The following ZNF609 variants were observed in gnomAD, a reference collection of about 807,000 sequenced individuals.
ZNF609 encodes zinc finger protein 609.
Under a neutral mutation model 109.5 loss-of-function variants are expected in ZNF609, and 11 were observed. The ratio of observed to expected loss-of-function variants is 0.10; its 90% CI spans 0.06 to 0.17. The LOEUF (loss-of-function observed/expected upper bound fraction) is 0.17. Among genes scored for constraint, ZNF609 ranks in the 10% least tolerant of loss-of-function variants. ZNF609 has a pLI of 1.00. For missense variants in ZNF609, 1,559 were observed against 1,772.4 expected (o/e 0.88, Z 2.16); for synonymous variants, 646 against 662.0 (o/e 0.98, Z 0.37).
chr15:64,495,822 CTTTT>C (rs749513249), intron 1 of ZNF609, among the ~76,000 whole-genome samples: 2 of 123,078 alleles, frequency 1.6e-5, no homozygotes, highest in Admixed American at 7.9e-5. Context: ...AACCTGTTAT[CTTTT>C]TTTTTTTTTT....
chr15:64,592,891 C>T lies in ZNF609; in HGVS notation c.748-29936C>T. The T allele has an allele frequency of 5.9e-6, 4 of 676,390 alleles. No homozygotes were observed. The South Asian group carries it at 7.4e-5, about 12-fold the overall frequency. The allele number at this position is 676,390 out of a possible 1,614,324, so 41.9% of individuals were successfully genotyped here. A position where few individuals can be genotyped will look rare whatever the true frequency, so the allele number is the denominator to read the frequency against. On this transcript the variant is annotated intron_variant, in intron 2 of 9. Transcript: ENST00000326648. ...TCGCGCCACTGCACCCCAGCCTGGG[C>T]AACAGAGCAAGACTCTTGTCTCAAA...
intron 3 of ZNF609, among the ~76,000 whole-genome samples, chr15:64,661,478 G>T (rs1361392430): frequency 6.6e-6 from 1 of 152,032 alleles, no homozygotes; most frequent in African/African-American, 2.4e-5. Context: ...GGTTAGTTAG[G>T]GTGTATTTGT....
chr15:64,579,002 A>G (rs1016445789), intron 2 of ZNF609, among the ~76,000 whole-genome samples: 2 of 152,186 alleles, frequency 1.3e-5, no homozygotes, highest in Non-Finnish European at 2.9e-5. Context: ...AACTTGTCTC[A>G]GAAAAAACAA....
intron 3 of ZNF609, among the ~76,000 whole-genome samples, chr15:64,641,058 T>G (rs923272873): frequency 5.9e-5 from 9 of 152,122 alleles, no homozygotes; most frequent in African/African-American, 2.2e-4. Flanking sequence ...CCTATAGTTT[T>G]AGCAGTACCA....
chr15:64,513,490 C>T (rs1351732882), intron 2 of ZNF609, among the ~76,000 whole-genome samples: 1 of 152,134 alleles, frequency 6.6e-6, no homozygotes, highest in Non-Finnish European at 1.5e-5. Context: ...TGTCCTTTCC[C>T]ATCTCTTAAA....
rs767955434 is a variant in ZNF609 at position 64,674,889 on chromosome 15, G to A, written c.2035G>A (p.Ala679Thr). Reference protein sequence around the residue: ...YTFQTATFTAASPGSSSGLTA... With the variant: ...YTFQTATFTATSPGSSSGLTA... ...CTTCCAGACAGCCACCTTCACAGCA[G>A]CGAGCCCAGGCTCTTCCTCAGGCTT... The change falls in exon 5 of 10, where the codon GCG (alanine) becomes ACG (threonine). Residue 679 changes from alanine (A) to threonine (T), a missense_variant. Ala to Thr is a moderately conservative substitution (Grantham distance 58, BLOSUM62 0). Transcript: ENST00000326648. The A allele has an allele frequency of 3.7e-6, 6 of 1,614,074 alleles. No homozygotes were observed. Among genetic ancestry groups the A allele is most frequent in the Non-Finnish European group, 4.2e-6 (5 of 1,180,018 alleles).
At chr15:64,641,058 T>C (rs923272873) in intron 3 of ZNF609, among the ~76,000 whole-genome samples, 1 of 152,122 alleles carries the variant, frequency 6.6e-6, no homozygotes, top group African/African-American at 2.4e-5. Flanking sequence ...CCTATAGTTT[T>C]AGCAGTACCA....
intron 2 of ZNF609, among the ~76,000 whole-genome samples, chr15:64,530,016 C>T (rs988986298): frequency 2.0e-5 from 3 of 151,962 alleles, no homozygotes; most frequent in African/African-American, 7.3e-5. Context: ...AAGGCGTGAG[C>T]CACTGCACCT....
At chr15:64,529,689 G>C (rs1595708816) in intron 2 of ZNF609, 1 of 705,780 alleles carries the variant, frequency 1.4e-6, no homozygotes. Context: ...CAGGGATGCA[G>C]CTGCCAATGC....
At chr15:64,573,598 C>T (rs1376369532) in intron 2 of ZNF609, among the ~76,000 whole-genome samples, 1 of 151,518 alleles carries the variant, frequency 6.6e-6, no homozygotes, top group Non-Finnish European at 1.5e-5. Flanking sequence ...CTCCTGACCT[C>T]GTGATCCGCC....
At chr15:64,646,762 A>G (rs1211671384) in intron 3 of ZNF609, among the ~76,000 whole-genome samples, 1 of 151,506 alleles carries the variant, frequency 6.6e-6, no homozygotes, top group East Asian at 1.9e-4. Context: ...AACATGGTGA[A>G]ACCCCATCTC....
At chr15:64,545,329 G>A (rs570959541) in intron 2 of ZNF609, among the ~76,000 whole-genome samples, 31 of 152,096 alleles carry the variant, frequency 2.0e-4, no homozygotes, top group Admixed American at 4.6e-4. Context: ...CTCCCGAGTA[G>A]CTGGAACTAT....
chr15:64,588,386 C>T (rs1895234072), intron 2 of ZNF609, among the ~76,000 whole-genome samples: 1 of 124,008 alleles, frequency 8.1e-6, no homozygotes, highest in South Asian at 2.7e-4. Context: ...CAAGATTGCC[C>T]TACTGCACTC....
chr15:64,463,554 T>C lies in ZNF609; in HGVS notation c.-128+2716T>C, dbSNP rs1596372429. ...GTACACAATAGCCAATCATTTCCCA[T>C]AGGATAGTGTTGAATAAGAACTTTA... On this transcript the variant is annotated intron_variant, in intron 1 of 9. Transcript: ENST00000326648. Among the ~76,000 whole-genome samples the C allele has an allele frequency of 2.0e-5, 3 of 152,350 alleles. 1 individual carries two copies. In the South Asian group the frequency reaches 6.2e-4, roughly 32 times the overall value.
intron 3 of ZNF609, among the ~76,000 whole-genome samples, chr15:64,636,878 C>A (rs1410178962): frequency 3.3e-5 from 5 of 152,170 alleles, no homozygotes; most frequent in Non-Finnish European, 7.3e-5. Context: ...GAGTCACAAA[C>A]CCAAAGGTTT....
At chr15:64,631,819 C>T in intron 3 of ZNF609, 1 of 174,126 alleles carries the variant, frequency 5.7e-6, no homozygotes, top group South Asian at 1.3e-4. Context: ...GCTGGGATTA[C>T]AGGCATGAGC....
chr15:64,675,721 A>G lies in ZNF609; in HGVS notation c.2867A>G (p.Gln956Arg). Residue 956 changes from glutamine (Q) to arginine (R), a missense_variant, in exon 5 of 10, where the codon CAG (glutamine) becomes CGG (arginine). Gln to Arg is a conservative substitution (Grantham distance 43, BLOSUM62 1). This residue lies in a region of ZNF609 where 1,204 missense variants were observed against 1,314.1 expected (regional missense o/e 0.92). Transcript: ENST00000326648. The part of the protein sequence containing the change: ...EKKPELSSSS[Q>R]QPSVIQQRPN... ...AAGCCCGAGCTGAGCAGTTCCAGTC[A>G]GCAGCCCTCGGTCATCCAGCAGCGT... 6.2e-7 allele frequency: 1 copy of G among 1,614,224 alleles called. No homozygotes were observed. The highest frequency in any genetic ancestry group is 1.3e-5 in the African/African-American group (1 of 75,058).
At chr15:64,543,537 G>A (rs778976367) in intron 2 of ZNF609, among the ~76,000 whole-genome samples, 23 of 151,160 alleles carry the variant, frequency 1.5e-4, no homozygotes, top group Non-Finnish European at 3.1e-4. Context: ...TCCACCTCTG[G>A]GTTCAAACGT....
intron 3 of ZNF609, among the ~76,000 whole-genome samples, chr15:64,623,372 T>A (rs1895907607): frequency 6.6e-6 from 1 of 152,208 alleles, no homozygotes; most frequent in Non-Finnish European, 1.5e-5. Flanking sequence ...AAATTAAATT[T>A]GAGGTCAGGC....
Sources: gnomAD v4.1 joint callset for allele counts (sites outside exome capture counted in the v4.1 genomes callset) on GRCh38, gnomAD v4.1.1 for gene constraint, gnomAD v4.1.1 regional missense constraint, MANE v1.5 for transcripts, NCBI Gene and HGNC (gene_info 2026-07-23, HGNC 2026-07-21) for gene names.